Variants in IPO11 observed in about 807,000 individuals in gnomAD.
IPO11 encodes the protein importin-11.
In IPO11, 66 loss-of-function variants were observed where a neutral mutation model predicts 143.2. That is an observed-to-expected ratio of 0.46 (90% CI 0.38 to 0.57). The LOEUF is 0.57. Ranked by LOEUF, IPO11 falls within the 20% of genes least tolerant of loss-of-function variation. IPO11 has a pLI of 0.00. For missense variants in IPO11, 1,026 were observed against 1,141.0 expected, an observed-to-expected ratio of 0.90 and a Z score of 1.45; for synonymous variants, 385 against 377.8, an observed-to-expected ratio of 1.02 and a Z score of -0.22.
intron 16 of IPO11, among the ~76,000 whole-genome samples, chr5:62,498,859 G>T (rs562837397): frequency 9.8e-5 from 15 of 152,292 alleles, no homozygotes; most frequent in African/African-American, 3.4e-4. Flanking sequence ...AACAGAGCAA[G>T]ATTTCATCTT....
At position 62,589,786 on chromosome 5, in the gene IPO11, C is replaced by A. The variant is rs570571101; in HGVS notation, c.2583-1791C>A. ...AATGGTGTCCACCCAGCAGAGATAT[C>A]TCATGAGATAGACTGAAGTGTGGCC... is the stretch of plus-strand genomic sequence containing the variant. On this transcript the variant is annotated intron_variant, in intron 27 of 29. Coordinates refer to ENST00000325324, the MANE Select transcript of IPO11 (RefSeq NM_016338.5). Among the ~76,000 whole-genome samples, 193 of 152,282 alleles carry A rather than the reference C, an allele frequency of 1.3e-3. 5 individuals are homozygous for A. The South Asian group carries it at 0.039, about 31-fold the overall frequency.
At chr5:62,533,829 C>G (rs1478436776) in intron 22 of IPO11, among the ~76,000 whole-genome samples, 1 of 151,926 alleles carries the variant, frequency 6.6e-6, no homozygotes, top group Non-Finnish European at 1.5e-5. Flanking sequence ...CTTGGTGGCC[C>G]GTGCTTGTGA....
intron 9 of IPO11, among the ~76,000 whole-genome samples, 169 bp downstream of exon 9, chr5:62,476,922 A>G (rs1745979129): frequency 6.6e-6 from 1 of 152,216 alleles, no homozygotes; most frequent in South Asian, 2.1e-4. Flanking sequence ...TAGAATGCAT[A>G]TAATAATTAA....
chr5:62,439,903 C>A (rs1319861507), intron 2 of IPO11, among the ~76,000 whole-genome samples: 2 of 152,086 alleles, frequency 1.3e-5, no homozygotes, highest in African/African-American at 4.8e-5. Flanking sequence ...ATGTTCTAGT[C>A]CTGTTTTTCA....
At chr5:62,535,546 T>C (rs1296882808) in intron 22 of IPO11, among the ~76,000 whole-genome samples, 1 of 152,130 alleles carries the variant, frequency 6.6e-6, no homozygotes, top group Non-Finnish European at 1.5e-5. Flanking sequence ...CAGTTTTTGG[T>C]TTTTTTATGT....
rs1337740795 is a variant in IPO11 at position 62,627,350 on chromosome 5, A to G, written c.*32A>G. 1.3e-6 allele frequency: 2 copies of G among 1,590,234 alleles called. No homozygotes were observed. Among genetic ancestry groups the G allele is most frequent in the Non-Finnish European group, 1.7e-6 (2 of 1,163,220 alleles). ...ATGACATGTGGCTGCCTCCCCTTTC[A>G]GAAACAAGCTGAGTAACCCAGCCTG... On this transcript the variant is annotated 3_prime_UTR_variant, in exon 30 of 30. Coordinates refer to ENST00000325324, the MANE Select transcript of IPO11 (RefSeq NM_016338.5).
Position 62,584,227 on chromosome 5 carries a change from A to G in IPO11, c.2583-7350A>G, listed in dbSNP as rs115666421. On this transcript the variant is annotated intron_variant, in intron 27 of 29. Transcript: ENST00000325324. The stretch of plus-strand genomic sequence containing the variant: ...ACTCTCAACCTCTTCCTGTCAGTGG[A>G]GTAGATACGTTTGGTGTCAAGCTAT... 3.4e-3 allele frequency among the ~76,000 whole-genome samples: 517 copies of G among 152,202 alleles called. 3 individuals are homozygous for G. Among genetic ancestry groups the G allele is most frequent in the African/African-American group, 0.012 (488 of 41,530 alleles).
chr5:62,481,208 G>A (rs1746198246), intron 9 of IPO11, among the ~76,000 whole-genome samples: 2 of 152,030 alleles, frequency 1.3e-5, no homozygotes, highest in Admixed American at 6.5e-5. Context: ...ATGAGCCACC[G>A]CGCCTGGCCG....
Position 62,437,329 on chromosome 5 carries a change from C to T in IPO11, c.50C>T (p.Ala17Val). ...STVVLQVLTQATSQDTAVLKP... is the reference protein window; with the variant it reads ...STVVLQVLTQVTSQDTAVLKP... ...GTTGTTCTTCAGGTGTTAACACAGG[C>T]CACCAGTCAGGATACTGCTGTGTTA... Residue 17 changes from alanine (A) to valine (V), a missense_variant, in exon 2 of 30, where the codon GCC (alanine) becomes GTC (valine). This residue lies in a region of IPO11 where 429 missense variants were observed against 456.3 expected (regional missense o/e 0.94). Coordinates refer to ENST00000325324, the MANE Select transcript of IPO11 (RefSeq NM_016338.5). The T allele has an allele frequency of 6.2e-7, 1 of 1,612,020 alleles. No homozygotes were observed. The highest frequency in any genetic ancestry group is 8.5e-7 in the Non-Finnish European group (1 of 1,178,704).
At chr5:62,607,782 T>C (rs986345316) in intron 29 of IPO11, among the ~76,000 whole-genome samples, 15 of 151,918 alleles carry the variant, frequency 9.9e-5, no homozygotes, top group Non-Finnish European at 1.9e-4. Flanking sequence ...TTATCACTTC[T>C]AGTATCATGC....
At chr5:62,532,720 A>G (rs1742600632) in intron 22 of IPO11, among the ~76,000 whole-genome samples, 1 of 152,212 alleles carries the variant, frequency 6.6e-6, no homozygotes, top group African/African-American at 2.4e-5. Flanking sequence ...CAAATCAATA[A>G]GGACTTTTAT....
chr5:62,545,515 A>G lies in IPO11; in HGVS notation c.2251-4852A>G, dbSNP rs140806692. 1.1e-3 allele frequency among the ~76,000 whole-genome samples: 172 copies of G among 152,334 alleles called. 1 individual carries two copies. The highest frequency in any genetic ancestry group is 7.9e-3 in the East Asian group (41 of 5,190). On this transcript the variant is annotated intron_variant, in intron 24 of 29. Transcript: ENST00000325324. ...AAAACCCTAGAAGAAAACCTAGGCAATACAATTCAGGACATAGGCATGGGC... is the reference window on the plus strand; with the variant it reads ...AAAACCCTAGAAGAAAACCTAGGCAGTACAATTCAGGACATAGGCATGGGC...
chr5:62,544,176 C>T (rs1381676717), intron 24 of IPO11, among the ~76,000 whole-genome samples: 1 of 151,896 alleles, frequency 6.6e-6, no homozygotes, highest in Non-Finnish European at 1.5e-5. Flanking sequence ...ACCAATATCC[C>T]TGATGAACAT....
intron 22 of IPO11, among the ~76,000 whole-genome samples, chr5:62,533,212 CTTCT>C (rs1742618652): frequency 2.2e-5 from 2 of 90,960 alleles, no homozygotes; most frequent in Admixed American, 1.1e-4. Context: ...TTCTTTCTTT[CTTCT>C]TTTTTTTTTT....
intron 27 of IPO11, among the ~76,000 whole-genome samples, chr5:62,577,921 C>T (rs930923349): frequency 4.6e-5 from 7 of 151,954 alleles, no homozygotes; most frequent in African/African-American, 1.2e-4. Context: ...AATTAGAAAG[C>T]TTAAGCAACT....
intron 1 of IPO11, among the ~76,000 whole-genome samples, chr5:62,420,671 C>T (rs1269643781): frequency 6.6e-6 from 1 of 151,934 alleles, no homozygotes; most frequent in Non-Finnish European, 1.5e-5. Flanking sequence ...CCTTGACCTC[C>T]TGGGCTCAGG....
At position 62,516,899 on chromosome 5, in the gene IPO11, T is replaced by TA. The variant is rs990234666; in HGVS notation, c.1896+1411dup. Among the ~76,000 whole-genome samples, 416 of 142,168 alleles carry TA rather than the reference T, an allele frequency of 2.9e-3. 1 individual carries two copies. Among genetic ancestry groups the TA allele is most frequent in the African/African-American group, 7.8e-3 (305 of 38,950 alleles). The allele number at this position is 142,168 out of a possible 152,430, so 93.3% of individuals were successfully genotyped here. On this transcript the variant is annotated intron_variant, in intron 20 of 29. Coordinates refer to ENST00000325324, the MANE Select transcript of IPO11 (RefSeq NM_016338.5). Reference sequence around the variant, plus strand: ...TCCACAGCTCCATCACTAAAGCACTTAAAAAAAAAAAAAGTGAGGCTGGGC... The same window carrying TA: ...TCCACAGCTCCATCACTAAAGCACTTAAAAAAAAAAAAAAGTGAGGCTGGGC...
At chr5:62,415,977 A>C (rs758575705) in intron 1 of IPO11, among the ~76,000 whole-genome samples, 1 of 152,024 alleles carries the variant, frequency 6.6e-6, no homozygotes, top group Non-Finnish European at 1.5e-5. Context: ...AAAATACCTT[A>C]TATTGGGTAG....
In IPO11 at chr5:62,467,135, C is replaced by A; in HGVS notation, c.521C>A (p.Ala174Asp). The change falls in exon 6 of 30, where the codon GCT (alanine) becomes GAT (aspartate). Residue 174 changes from alanine to aspartate, a missense_variant. Around this residue, in one of 5 missense-constraint regions of IPO11, gnomAD observed 429 missense variants for 456.3 expected, o/e 0.94. Coordinates refer to ENST00000325324, the MANE Select transcript of IPO11 (RefSeq NM_016338.5). ...TTTGTTGCCTTTTCTTTGCAGTTAG[C>A]TTCTGGAATTTATAATTTTGCCTGC... is the stretch of plus-strand genomic sequence containing the variant. ...AADRKLFYDL[A>D]SGIYNFACSL... 6.2e-7 allele frequency: 1 copy of A among 1,607,426 alleles called. No homozygotes were observed. Among genetic ancestry groups the A allele is most frequent in the Non-Finnish European group, 8.5e-7 (1 of 1,178,088 alleles).
Sources: gnomAD v4.1 joint callset for allele counts (sites outside exome capture counted in the v4.1 genomes callset) on GRCh38, gnomAD v4.1.1 for gene constraint, gnomAD v4.1.1 regional missense constraint, MANE v1.5 for transcripts, NCBI Gene and HGNC (gene_info 2026-07-23, HGNC 2026-07-21) for gene names.